IGSF11: variants seen among roughly 807,000 people sequenced by gnomAD.
The protein encoded by IGSF11 is immunoglobulin superfamily member 11.
IGSF11 carries 22 observed loss-of-function variants against 41.0 expected under a neutral mutation model. The ratio of observed to expected loss-of-function variants is 0.54; its 90% CI spans 0.38 to 0.77. The LOEUF is 0.77. IGSF11 is among the 30% of genes least tolerant of loss of function. IGSF11 has a pLI of 0.00. For missense variants in IGSF11, 444 were observed against 530.8 expected (o/e 0.84, Z 1.61); for synonymous variants, 219 against 201.3 (o/e 1.09, Z -0.74).
intron 1 of IGSF11, among the ~76,000 whole-genome samples, chr3:119,043,083 C>T (rs937226365): frequency 2.6e-5 from 4 of 152,174 alleles, no homozygotes; most frequent in African/African-American, 9.7e-5. Context: ...CCGTGGAACC[C>T]AGCGACTAGC....
At chr3:119,058,292 C>A (rs1023207426) in intron 1 of IGSF11, among the ~76,000 whole-genome samples, 10 of 152,124 alleles carry the variant, frequency 6.6e-5, no homozygotes, top group African/African-American at 2.2e-4. Flanking sequence ...AAACAAACAA[C>A]CCCATCAAAA....
chr3:118,953,385 G>A (rs1350899784), intron 1 of IGSF11, among the ~76,000 whole-genome samples: 1 of 152,128 alleles, frequency 6.6e-6, no homozygotes, highest in African/African-American at 2.4e-5. Flanking sequence ...TTTGTATAAT[G>A]ACTTCTTTTC....
intron 1 of IGSF11, among the ~76,000 whole-genome samples, chr3:119,016,487 T>C (rs1181643095): frequency 1.3e-5 from 2 of 152,182 alleles, no homozygotes; most frequent in Admixed American, 6.5e-5. Context: ...ACATTGTAAA[T>C]ATAGGATTAT....
intron 1 of IGSF11, among the ~76,000 whole-genome samples, chr3:119,016,834 C>T (rs1202755047): frequency 1.3e-5 from 2 of 152,172 alleles, no homozygotes; most frequent in Non-Finnish European, 2.9e-5. Context: ...CTGCAAGACT[C>T]ACTTATAGTT....
At chr3:118,988,628 TC>T (rs1335899463) in intron 1 of IGSF11, among the ~76,000 whole-genome samples, 7 of 152,184 alleles carry the variant, frequency 4.6e-5, no homozygotes, top group South Asian at 2.1e-4. Flanking sequence ...CTGGCTGTCC[TC>T]GGGGTGGGAA....
At chr3:118,939,137 C>T (rs551255134) in intron 1 of IGSF11, among the ~76,000 whole-genome samples, 1 of 152,256 alleles carries the variant, frequency 6.6e-6, no homozygotes, top group South Asian at 2.1e-4. Context: ...TTAAAGTAGA[C>T]ATGGAACATC....
At chr3:118,996,415 G>A (rs533508013) in intron 1 of IGSF11, among the ~76,000 whole-genome samples, 32 of 152,070 alleles carry the variant, frequency 2.1e-4, no homozygotes, top group East Asian at 7.7e-4. Context: ...CTGCTACCAC[G>A]CTACTTCCAT....
intron 1 of IGSF11, among the ~76,000 whole-genome samples, chr3:118,957,626 G>C (rs1286219869): frequency 1.3e-5 from 2 of 152,140 alleles, no homozygotes; most frequent in Non-Finnish European, 2.9e-5. Context: ...TTGTAGGCTA[G>C]CTTATTTTCT....
At chr3:118,919,179 C>T (rs1295247439) in intron 4 of IGSF11, among the ~76,000 whole-genome samples, 1 of 134,366 alleles carries the variant, frequency 7.4e-6, no homozygotes, top group Non-Finnish European at 1.5e-5. Context: ...TAGGCATTAC[C>T]ATTCAGGACA....
intron 1 of IGSF11, among the ~76,000 whole-genome samples, chr3:119,103,762 T>C (rs2076975832): frequency 6.6e-6 from 1 of 151,820 alleles, no homozygotes; most frequent in South Asian, 2.1e-4. Flanking sequence ...TTCCTACCAA[T>C]CCTGCTTCTT....
chr3:119,128,293 G>C (rs923223759), intron 1 of IGSF11, among the ~76,000 whole-genome samples: 4 of 152,104 alleles, frequency 2.6e-5, no homozygotes, highest in Non-Finnish European at 4.4e-5. Context: ...GGGAGGTGGA[G>C]GTTGCAGTGA....
intron 1 of IGSF11, among the ~76,000 whole-genome samples, chr3:119,103,881 C>G (rs1576802010): frequency 6.6e-6 from 1 of 152,300 alleles, no homozygotes; most frequent in East Asian, 1.9e-4. Context: ...TATACAGATG[C>G]AAGCAGCACC....
chr3:118,905,859 A>G (rs1351330684), intron 4 of IGSF11, 141 bp from the exon 5 acceptor site: 1 of 877,592 alleles, frequency 1.1e-6, no homozygotes, highest in African/African-American at 1.7e-5. Context: ...GTGAGAAATT[A>G]TTGGTTCATG....
chr3:119,000,006 T>A (rs1936653041), intron 1 of IGSF11, among the ~76,000 whole-genome samples: 1 of 150,650 alleles, frequency 6.6e-6, no homozygotes, highest in African/African-American at 2.4e-5. Flanking sequence ...CCACTATTCA[T>A]CCCTCACTAA....
chr3:118,921,113 T>C (rs1035223248), intron 4 of IGSF11, among the ~76,000 whole-genome samples: 1 of 152,200 alleles, frequency 6.6e-6, no homozygotes, highest in Non-Finnish European at 1.5e-5. Flanking sequence ...TTGCTGCTCC[T>C]CATCCCCTAA....
At chr3:119,126,489 C>T (rs868567779) in intron 1 of IGSF11, among the ~76,000 whole-genome samples, 7 of 152,226 alleles carry the variant, frequency 4.6e-5, no homozygotes, top group Middle Eastern at 3.2e-3. Flanking sequence ...TGGGTTTCCC[C>T]CCACAAAACA....
At chr3:119,030,282 T>C (rs931615405) in intron 1 of IGSF11, among the ~76,000 whole-genome samples, 2 of 152,238 alleles carry the variant, frequency 1.3e-5, no homozygotes, top group African/African-American at 4.8e-5. Context: ...AAAATTTTAG[T>C]TATACTTATC....
intron 1 of IGSF11, among the ~76,000 whole-genome samples, chr3:119,078,164 A>T (rs896201395): frequency 6.6e-6 from 1 of 152,236 alleles, no homozygotes; most frequent in Admixed American, 6.5e-5. Flanking sequence ...AGAAAAAACT[A>T]TTCTAAAATT....
chr3:119,034,907 C>T, upstream of IGSF11: 1 of 1,026,310 alleles, frequency 9.7e-7, no homozygotes, highest in Non-Finnish European at 1.2e-6. Context: ...GCTACTCCAG[C>T]CGCAGCTCGG....
Sources: allele counts gnomAD v4.1 joint callset (sites outside exome capture counted in the v4.1 genomes callset), GRCh38; gene constraint gnomAD v4.1.1; transcripts MANE v1.5; gene names NCBI Gene and HGNC (gene_info 2026-07-23, HGNC 2026-07-21).